STXBP5L: variants seen among roughly 807,000 people sequenced by gnomAD.
STXBP5L encodes the protein syntaxin binding protein 5L.
Under a neutral mutation model 144.5 loss-of-function variants are expected in STXBP5L, and 65 were observed. That is an observed-to-expected ratio of 0.45 (90% confidence interval 0.37 to 0.55). The LOEUF (loss-of-function observed/expected upper bound fraction) is 0.55. Ranked by LOEUF, STXBP5L falls within the 20% of genes least tolerant of loss-of-function variation. The pLI is 0.00. For synonymous variants in STXBP5L, 505 were observed against 469.6 expected (o/e 1.08, Z -0.97); for missense variants, 1,298 against 1,405.5 (o/e 0.92, Z 1.22).
At chr3:121,155,793 A>G (rs1411572011) in intron 8 of STXBP5L, among the ~76,000 whole-genome samples, 1 of 151,920 alleles carries the variant, frequency 6.6e-6, no homozygotes, top group African/African-American at 2.4e-5. Flanking sequence ...AACAATAAAT[A>G]TACTTCTTTA....
intron 20 of STXBP5L, among the ~76,000 whole-genome samples, chr3:121,377,973 G>A (rs1254156079): frequency 1.3e-5 from 2 of 152,200 alleles, no homozygotes; most frequent in Non-Finnish European, 2.9e-5. Flanking sequence ...TATACAGCAT[G>A]GAATACTATG....
chr3:121,016,130 ATACTC>A (rs1465480381), intron 3 of STXBP5L, among the ~76,000 whole-genome samples: 1 of 152,194 alleles, frequency 6.6e-6, no homozygotes, highest in East Asian at 1.9e-4. Context: ...ATTAACGTAA[ATACTC>A]TAAAGGTCAT....
At chr3:120,965,319 A>G (rs1381273441) in intron 3 of STXBP5L, among the ~76,000 whole-genome samples, 1 of 152,148 alleles carries the variant, frequency 6.6e-6, no homozygotes, top group African/African-American at 2.4e-5. Flanking sequence ...TGATTCTGTC[A>G]TGATGTTCAC....
Position 120,953,325 on chromosome 3 carries a change from CTTTT to C in STXBP5L, c.190-1597_190-1594del, listed in dbSNP as rs397875191. ...TAGCCTTGAAAGATCTCACAATTGA[CTTTT>C]TTTTTTTTTTTTTTTTTGAGATGAG... On this transcript the variant is annotated intron_variant, in intron 2 of 26. Coordinates refer to ENST00000471454, the MANE Select transcript of STXBP5L (RefSeq NM_001308330.2). Among the ~76,000 whole-genome samples the C allele has an allele frequency of 3.5e-3, 365 of 105,694 alleles. 2 individuals are homozygous for C. Among genetic ancestry groups the C allele is most frequent in the Non-Finnish European group, 5.0e-3 (273 of 54,626 alleles). 69.3% of individuals were successfully genotyped at this position (105,694 alleles called of 152,430 possible).
At chr3:121,167,566 T>G (rs981725178) in intron 9 of STXBP5L, among the ~76,000 whole-genome samples, 3 of 150,944 alleles carry the variant, frequency 2.0e-5, no homozygotes, top group Non-Finnish European at 3.0e-5. Flanking sequence ...CACCAAGAAG[T>G]TCAAACTGGG....
chr3:120,992,990 A>G (rs1159681634), intron 3 of STXBP5L, among the ~76,000 whole-genome samples: 2 of 152,126 alleles, frequency 1.3e-5, no homozygotes, highest in African/African-American at 2.4e-5. Context: ...GATAATAGAC[A>G]TTTTAACTGG....
intron 9 of STXBP5L, among the ~76,000 whole-genome samples, chr3:121,160,599 G>A (rs570597970): frequency 6.6e-6 from 1 of 152,196 alleles, no homozygotes; most frequent in South Asian, 2.1e-4. Flanking sequence ...TTTGGGTATA[G>A]GAGGGGGAGT....
chr3:121,388,781 G>C (rs551961059), intron 22 of STXBP5L, among the ~76,000 whole-genome samples: 1 of 152,124 alleles, frequency 6.6e-6, no homozygotes, highest in Non-Finnish European at 1.5e-5. Flanking sequence ...ATGTGCTGCT[G>C]GATTCGTTTG....
intron 9 of STXBP5L, among the ~76,000 whole-genome samples, chr3:121,172,049 A>G (rs539748871): frequency 7.2e-5 from 11 of 152,320 alleles, no homozygotes; most frequent in African/African-American, 2.6e-4. Flanking sequence ...ATAGCACGAC[A>G]CATCTACAAC....
At chr3:121,034,383 A>G (rs1267275082) in intron 3 of STXBP5L, among the ~76,000 whole-genome samples, 1 of 152,062 alleles carries the variant, frequency 6.6e-6, no homozygotes, top group Non-Finnish European at 1.5e-5. Context: ...TGAGACTGTA[A>G]TATTTCACAG....
chr3:121,031,197 T>A (rs777245325), intron 3 of STXBP5L, among the ~76,000 whole-genome samples: 1 of 152,100 alleles, frequency 6.6e-6, no homozygotes, highest in Non-Finnish European at 1.5e-5. Flanking sequence ...TAAACAGGAA[T>A]GGCATTATGA....
intron 8 of STXBP5L, among the ~76,000 whole-genome samples, chr3:121,156,520 A>G (rs1332030555): frequency 2.6e-5 from 4 of 151,966 alleles, no homozygotes; most frequent in Non-Finnish European, 5.9e-5. Flanking sequence ...TAGAAAGAAT[A>G]CCAAGGGTGT....
At chr3:121,191,900 A>T (rs1031864603) in intron 9 of STXBP5L, among the ~76,000 whole-genome samples, 1 of 151,304 alleles carries the variant, frequency 6.6e-6, no homozygotes, top group African/African-American at 2.4e-5. Context: ...GAACAATGAG[A>T]ACACTGGGAC....
intron 9 of STXBP5L, among the ~76,000 whole-genome samples, chr3:121,203,720 C>T (rs868451824): frequency 1.1e-4 from 17 of 152,110 alleles, no homozygotes; most frequent in Non-Finnish European, 1.3e-4. Flanking sequence ...CAATTGATGA[C>T]TCTGATGTAT....
At chr3:121,318,680 A>C in intron 20 of STXBP5L, 140 bp downstream of exon 20, 1 of 497,864 alleles carries the variant, frequency 2.0e-6, no homozygotes, top group Non-Finnish European at 3.4e-6. Context: ...CTGTAAGCAA[A>C]TTTGATTCCA....
chr3:121,398,749 C>G (rs1190514370), intron 22 of STXBP5L, among the ~76,000 whole-genome samples: 1 of 152,172 alleles, frequency 6.6e-6, no homozygotes, highest in African/African-American at 2.4e-5. Flanking sequence ...ACCTCCAATA[C>G]CATCACAGGC....
chr3:121,380,957 C>A (rs895591118), intron 21 of STXBP5L, among the ~76,000 whole-genome samples: 1 of 152,078 alleles, frequency 6.6e-6, no homozygotes, highest in Admixed American at 6.6e-5. Flanking sequence ...GTCAGAAATT[C>A]TTGTAACCAT....
intron 3 of STXBP5L, among the ~76,000 whole-genome samples, chr3:121,006,123 C>T (rs796650896): frequency 6.6e-6 from 1 of 152,028 alleles, no homozygotes; most frequent in African/African-American, 2.4e-5. Context: ...CTTTCTGTCT[C>T]GTTGTTCTGT....
intron 14 of STXBP5L, among the ~76,000 whole-genome samples, chr3:121,249,805 T>C (rs2049974802): frequency 6.6e-6 from 1 of 152,132 alleles, no homozygotes; most frequent in Non-Finnish European, 1.5e-5. Context: ...CATTATTATG[T>C]ATGTTAGGAG....
Sources: gnomAD v4.1 joint callset for allele counts (sites outside exome capture counted in the v4.1 genomes callset) on GRCh38, gnomAD v4.1.1 for gene constraint, MANE v1.5 for transcripts, NCBI Gene and HGNC (gene_info 2026-07-23, HGNC 2026-07-21) for gene names.